MTCL1: variants seen among roughly 807,000 people sequenced by gnomAD.
The protein encoded by MTCL1 is microtubule crosslinking factor 1.
Under a neutral mutation model 141.4 loss-of-function variants are expected in MTCL1, and 79 were observed. The observed-to-expected ratio is 0.56, with a 90% CI of 0.47 to 0.67. The LOEUF is 0.67. MTCL1 is among the 30% of genes least tolerant of loss of function. The probability of loss-of-function intolerance (pLI) is 0.00; values close to 1 mark genes in which losing one functional copy is unlikely to be tolerated. For synonymous variants in MTCL1, 914 were observed against 875.8 expected (o/e 1.04, Z -0.77); for missense variants, 2,177 against 2,113.9 (o/e 1.03, Z -0.59).
At chr18:8,800,142 G>A (rs2076067166) in intron 10 of MTCL1, among the ~76,000 whole-genome samples, 5 of 152,214 alleles carry the variant, frequency 3.3e-5, no homozygotes, top group Admixed American at 2.6e-4. Flanking sequence ...TTCTCTGGGA[G>A]GGAACATTCC....
In MTCL1 at chr18:8,828,962, G is replaced by A. The variant is rs370656574; in HGVS notation, c.*16G>A. On this transcript the variant is annotated splice_region_variant and 3_prime_UTR_variant, in exon 16 of 17. Coordinates refer to ENST00000359865, the Ensembl canonical transcript of MTCL1. This position sits in a 1 kb window ranked among gnomAD's most constrained non-coding sequence, Gnocchi z 5.2. ...GGGACTCTAGCCCTGCCCGCCTCAC[G>A]CTGTAAGTGCTTCCTTCCTTGTTTC... The A allele has an allele frequency of 1.9e-5, 31 of 1,614,162 alleles. No individual in the cohort carries two copies. The highest frequency in any genetic ancestry group is 1.7e-4 in the African/African-American group (13 of 75,044).
At chr18:8,794,518 G>A (rs12326615) in intron 8 of MTCL1, among the ~76,000 whole-genome samples, 44,532 of 151,890 alleles carry the variant, frequency 0.29, 7,042 homozygotes, top group East Asian at 0.49. Flanking sequence ...GCCTCCCGTG[G>A]TGCGGGTCCG....
upstream of MTCL1, among the ~76,000 whole-genome samples, chr18:8,716,337 A>G (rs554928013): frequency 6.6e-6 from 1 of 152,250 alleles, no homozygotes; most frequent in South Asian, 2.1e-4. Flanking sequence ...TCTTGATGGG[A>G]TAGTGTAGGC....
At chr18:8,724,025 C>T (rs987044098) in intron 4 of MTCL1, among the ~76,000 whole-genome samples, 1 of 152,048 alleles carries the variant, frequency 6.6e-6, no homozygotes, top group African/African-American at 2.4e-5. Flanking sequence ...AATGGGTAGG[C>T]GGTTTCCTTT....
exon 15 of MTCL1, chr18:8,825,088 T>C: frequency 1.2e-6 from 2 of 1,609,312 alleles, no homozygotes. Flanking sequence ...TTGCGCGTGT[T>C]ACACAGCCCG....
chr18:8,825,678 T>G (rs1177299877), exon 15 of MTCL1: 1 of 1,613,458 alleles, frequency 6.2e-7, no homozygotes, highest in Middle Eastern at 1.7e-4. Context: ...CTCCCCCAAG[T>G]ATGGTTCTCC....
intron 10 of MTCL1, among the ~76,000 whole-genome samples, chr18:8,804,808 T>A (rs1598741888): frequency 6.6e-6 from 1 of 152,176 alleles, no homozygotes; most frequent in South Asian, 2.1e-4. Context: ...CTGAGCAACA[T>A]GATGAAACCT....
chr18:8,766,721 G>A (rs547005553), intron 4 of MTCL1, among the ~76,000 whole-genome samples: 1 of 152,322 alleles, frequency 6.6e-6, no homozygotes, highest in South Asian at 2.1e-4. Context: ...CCCAGCTGTA[G>A]CCCTGGCCCA....
chr18:8,761,715 A>C (rs748126125), intron 4 of MTCL1, among the ~76,000 whole-genome samples: 2 of 152,238 alleles, frequency 1.3e-5, no homozygotes, highest in Admixed American at 6.5e-5. Flanking sequence ...CACATCTTAC[A>C]TGGCGGCAGA....
chr18:8,721,036 T>G, intron 4 of MTCL1, among the ~76,000 whole-genome samples: 1 of 150,916 alleles, frequency 6.6e-6, no homozygotes, highest in South Asian at 2.1e-4. Flanking sequence ...ATAGACATTT[T>G]TAAATTGTAG....
At chr18:8,825,217 G>C (rs761561455) in exon 15 of MTCL1, 1 of 1,596,200 alleles carries the variant, frequency 6.3e-7, no homozygotes, top group African/African-American at 1.3e-5. Context: ...CCCATGCTCA[G>C]CAGGTGGCCT....
upstream of MTCL1, among the ~76,000 whole-genome samples, chr18:8,716,569 A>ATTTTT (rs138840096): frequency 4.9e-4 from 51 of 103,864 alleles, no homozygotes; most frequent in Non-Finnish European, 5.9e-4. Flanking sequence ...CTTTTTGTTC[A>ATTTTT]TTTTTTTTTT....
chr18:8,720,602 C>T (rs902779061), intron 4 of MTCL1, 106 bp downstream of exon 3: 12 of 1,121,740 alleles, frequency 1.1e-5, no homozygotes, highest in Middle Eastern at 2.9e-4. Flanking sequence ...GTTGGCAAAT[C>T]GTGGCCTGTT....
intron 4 of MTCL1, among the ~76,000 whole-genome samples, chr18:8,754,309 G>A (rs1395006217): frequency 6.6e-6 from 1 of 152,162 alleles, no homozygotes; most frequent in Non-Finnish European, 1.5e-5. Context: ...GGCCTCAAGC[G>A]ATCTGCCCAC....
chr18:8,785,462 G>A lies in MTCL1; in HGVS notation c.1732-474G>A, dbSNP rs190957613. Among the ~76,000 whole-genome samples, 20 of 152,226 alleles carry A rather than the reference G, an allele frequency of 1.3e-4. No individual in the cohort carries two copies. The East Asian group carries it at 1.7e-3, about 13-fold the overall frequency. ...GCCCTGCCGCCGCTGGGGAGGGCGC[G>A]GAGGGTCTCCGAGGACTGCTGTCCT... On this transcript the variant is annotated intron_variant, in intron 6 of 16. Transcript: ENST00000359865.
intron 12 of MTCL1, among the ~76,000 whole-genome samples, chr18:8,813,742 G>A (rs1364964628): frequency 6.6e-6 from 1 of 152,188 alleles, no homozygotes; most frequent in African/African-American, 2.4e-5. Context: ...GCTGAGCTGT[G>A]ATTAGATGGA....
At position 8,784,853 on chromosome 18, in the gene MTCL1, C is replaced by T. The variant is rs2096545790; in HGVS notation, c.1731+10C>T. ...GGGCCCAGACTTGCAGGTAAGGGGG[C>T]TCGTGGCTTCGCCTCCCTGCTCCGC... is the stretch of plus-strand genomic sequence containing the variant. On this transcript the variant is annotated intron_variant, in intron 6 of 16. Coordinates refer to ENST00000359865, the Ensembl canonical transcript of MTCL1. 13 of 1,565,106 alleles carry T rather than the reference C, an allele frequency of 8.3e-6. No homozygotes were observed. The highest frequency in any genetic ancestry group is 1.0e-5 in the Non-Finnish European group (12 of 1,154,452).
rs1420919900 is a variant in MTCL1, at chr18:8,705,801, C to T, written c.141C>T (p.Pro47=). 8.4e-7 allele frequency: 1 copy of T among 1,193,030 alleles called. No homozygotes were observed. Among genetic ancestry groups the T allele is most frequent in the South Asian group, 4.2e-5 (1 of 24,050 alleles). The allele number at this position is 1,193,030 out of a possible 1,614,324, so 73.9% of individuals were successfully genotyped here. A position where few individuals can be genotyped will look rare whatever the true frequency, so the allele number is the denominator to read the frequency against. Residue 47 remains proline (P), a synonymous_variant, in exon 1 of 14, where the codon CCC becomes CCT. Transcript: ENST00000306329. This position sits in a 1 kb window ranked among gnomAD's most constrained non-coding sequence, Gnocchi z 5.2. ...ACCGTGCGCCCTCGCCCGCCAGACC[C>T]TTCCTCAAGGACCTGCACGCCCGGC...
chr18:8,772,599 T>TTA (rs1267811687), intron 4 of MTCL1, among the ~76,000 whole-genome samples: 2 of 150,674 alleles, frequency 1.3e-5, no homozygotes, highest in South Asian at 2.1e-4. Flanking sequence ...TATTATTATG[T>TTA]TATATATATG....
Sources: allele counts gnomAD v4.1 joint callset (sites outside exome capture counted in the v4.1 genomes callset), GRCh38; gene constraint gnomAD v4.1.1; non-coding constraint Gnocchi (gnomAD v3.1); transcripts MANE v1.5; gene names NCBI Gene and HGNC (gene_info 2026-07-23, HGNC 2026-07-21).